The following CCDC6 variants were observed in gnomAD, a reference collection of about 807,000 sequenced individuals.
CCDC6 encodes coiled-coil domain containing 6, also known as coiled-coil domain-containing protein 6.
CCDC6 carries 20 observed loss-of-function variants against 56.6 expected under a neutral mutation model. The ratio of observed to expected loss-of-function variants is 0.35; its 90% CI spans 0.25 to 0.51. CCDC6 has a LOEUF of 0.51. Ranked by LOEUF, CCDC6 falls within the 20% of genes least tolerant of loss-of-function variation. The pLI, the probability that CCDC6 is intolerant of heterozygous loss-of-function variation, is 0.95. For missense variants in CCDC6, 367 were observed against 601.1 expected, an observed-to-expected ratio of 0.61 and a Z score of 4.07; for synonymous variants, 241 against 234.4, an observed-to-expected ratio of 1.03 and a Z score of -0.26.
intron 7 of CCDC6, among the ~76,000 whole-genome samples, chr10:59,797,167 GCCTGGTTC>G (rs1421099650): frequency 6.6e-6 from 1 of 152,106 alleles, no homozygotes; most frequent in Non-Finnish European, 1.5e-5. Flanking sequence ...GACAAATCCT[GCCTGGTTC>G]CACTTATATG....
At chr10:59,906,093 G>A (rs1317614126) in intron 1 of CCDC6, 29 bp downstream of exon 1, 4 of 1,542,516 alleles carry the variant, frequency 2.6e-6, no homozygotes, top group Admixed American at 3.6e-5. Context: ...GGAGGTCGGC[G>A]CTGCGGCGCG....
intron 2 of CCDC6, among the ~76,000 whole-genome samples, chr10:59,840,720 T>C (rs754432432): frequency 2.0e-5 from 3 of 152,356 alleles, no homozygotes; most frequent in South Asian, 2.1e-4. Context: ...TGATGGTAAC[T>C]ATTCTTCCAG....
At chr10:59,852,141 G>A (rs2071045497) in intron 2 of CCDC6, among the ~76,000 whole-genome samples, 1 of 152,138 alleles carries the variant, frequency 6.6e-6, no homozygotes, top group Admixed American at 6.5e-5. Flanking sequence ...TCCTAAAGAT[G>A]TTTCACTTCA....
intron 7 of CCDC6, among the ~76,000 whole-genome samples, chr10:59,796,378 T>C (rs150589451): frequency 0.048 from 7,302 of 151,328 alleles, 217 homozygotes; most frequent in Middle Eastern, 0.11. Context: ...TATTAGCCCT[T>C]TGTCAGATGA....
chr10:59,795,471 TTTA>T (rs59205170), intron 7 of CCDC6, among the ~76,000 whole-genome samples: 30,854 of 150,482 alleles, frequency 0.21, 3,676 homozygotes, highest in Non-Finnish European at 0.27. Context: ...CTTATTCATT[TTTA>T]TTATTATTAT....
chr10:59,835,317 C>A (rs1480200237), intron 2 of CCDC6, among the ~76,000 whole-genome samples: 1 of 152,182 alleles, frequency 6.6e-6, no homozygotes, highest in Admixed American at 6.5e-5. Context: ...TGAGGAAAGG[C>A]AAGGCTCTCA....
At chr10:59,860,827 C>T (rs2071121717) in intron 1 of CCDC6, among the ~76,000 whole-genome samples, 1 of 152,114 alleles carries the variant, frequency 6.6e-6, no homozygotes, top group African/African-American at 2.4e-5. Flanking sequence ...GCGGGTGGAT[C>T]ACTTGAGGTT....
intron 3 of CCDC6, among the ~76,000 whole-genome samples, chr10:59,820,904 A>T (rs1424918994): frequency 6.6e-6 from 1 of 150,618 alleles, no homozygotes; most frequent in Non-Finnish European, 1.5e-5. Context: ...AAAACACGAG[A>T]GTGTGTTGGG....
intron 1 of CCDC6, among the ~76,000 whole-genome samples, chr10:59,881,244 C>T (rs749078704): frequency 2.0e-5 from 3 of 152,178 alleles, no homozygotes; most frequent in Non-Finnish European, 4.4e-5. Context: ...CTGACAGTCA[C>T]CCCAGCCCAG....
chr10:59,862,501 G>GTATATATATATATATATATA (rs146237484), intron 1 of CCDC6, among the ~76,000 whole-genome samples: 9 of 85,038 alleles, frequency 1.1e-4, no homozygotes, highest in South Asian at 8.5e-4. Flanking sequence ...AAAAAAAAAA[G>GTATATATATATATATATATA]TATATATATA....
intron 2 of CCDC6, among the ~76,000 whole-genome samples, chr10:59,833,639 C>A (rs1169285438): frequency 2.9e-4 from 2 of 6,906 alleles, no homozygotes; most frequent in East Asian, 4.0e-3. Context: ...ACACTCTCAA[C>A]TGGGGGGGGG....
chr10:59,797,962 A>C (rs1277004375), intron 7 of CCDC6, among the ~76,000 whole-genome samples: 1 of 152,146 alleles, frequency 6.6e-6, no homozygotes, highest in African/African-American at 2.4e-5. Context: ...TATTTTGAGA[A>C]CATCTAAAAG....
In CCDC6 at chr10:59,790,040, T is replaced by G. The variant is rs2070454507; in HGVS notation, c.*2877A>C. On this transcript the variant is annotated 3_prime_UTR_variant, in exon 9 of 9. Coordinates refer to ENST00000263102, the MANE Select transcript of CCDC6 (RefSeq NM_005436.5). ...TCCTTTCAGTCAACGAAGGAGTAAGTTCAATTAAAGGCTTCCACTATCTGC... is the reference window on the plus strand; with the variant it reads ...TCCTTTCAGTCAACGAAGGAGTAAGGTCAATTAAAGGCTTCCACTATCTGC... The G allele has an allele frequency of 4.6e-6, 1 of 215,938 alleles. No individual in the cohort carries two copies. Among genetic ancestry groups the G allele is most frequent in the Admixed American group, 5.8e-5 (1 of 17,134 alleles). The allele number at this position is 215,938 out of a possible 1,614,324, so 13.4% of individuals were successfully genotyped here. A position where few individuals can be genotyped will look rare whatever the true frequency, so the allele number is the denominator to read the frequency against.
At chr10:59,853,513 GAC>G (rs769963422) in intron 1 of CCDC6, among the ~76,000 whole-genome samples, 4 of 152,158 alleles carry the variant, frequency 2.6e-5, no homozygotes, top group Non-Finnish European at 4.4e-5. Flanking sequence ...CAGCCTGGGT[GAC>G]AGAGTAAGAT....
At chr10:59,878,883 T>A (rs572552997) in intron 1 of CCDC6, among the ~76,000 whole-genome samples, 56 of 152,266 alleles carry the variant, frequency 3.7e-4, no homozygotes, top group Middle Eastern at 3.4e-3. Flanking sequence ...TTATGACTAT[T>A]CATTTAGGCC....
At chr10:59,866,492 C>T (rs562035289) in intron 1 of CCDC6, among the ~76,000 whole-genome samples, 3 of 152,256 alleles carry the variant, frequency 2.0e-5, no homozygotes, top group South Asian at 4.1e-4. Flanking sequence ...TGCATATACT[C>T]GTATAACACT....
At chr10:59,866,982 C>T (rs1033921376) in intron 1 of CCDC6, among the ~76,000 whole-genome samples, 1 of 152,188 alleles carries the variant, frequency 6.6e-6, no homozygotes, top group African/African-American at 2.4e-5. Flanking sequence ...TGCAAAAAAG[C>T]CACTTTCTGC....
At chr10:59,881,763 G>C (rs1393362746) in intron 1 of CCDC6, among the ~76,000 whole-genome samples, 1 of 152,168 alleles carries the variant, frequency 6.6e-6, no homozygotes, top group Non-Finnish European at 1.5e-5. Context: ...AGCTCTACTT[G>C]GTATTAAGAC....
At chr10:59,824,888 A>G (rs770267247) in intron 3 of CCDC6, among the ~76,000 whole-genome samples, 3 of 152,240 alleles carry the variant, frequency 2.0e-5, no homozygotes, top group Non-Finnish European at 4.4e-5. Context: ...TTGTATTTAT[A>G]ACTAAACTAC....
Sources: allele counts gnomAD v4.1 joint callset (sites outside exome capture counted in the v4.1 genomes callset), GRCh38; gene constraint gnomAD v4.1.1; transcripts MANE v1.5; gene names NCBI Gene and HGNC (gene_info 2026-07-23, HGNC 2026-07-21).